PCDH15: variants seen among roughly 807,000 people sequenced by gnomAD.
The protein encoded by PCDH15 is protocadherin related 15.
A neutral mutation model predicts 178.5 loss-of-function variants in PCDH15; 129 were observed. That is an observed-to-expected ratio of 0.72 (90% CI 0.63 to 0.84). The LOEUF (loss-of-function observed/expected upper bound fraction) is 0.84, where lower values mean the gene tolerates loss of function less well. PCDH15 is among the 40% of genes least tolerant of loss of function. The pLI is 0.00. For missense variants in PCDH15, 2,230 were observed against 2,099.9 expected (o/e 1.06, Z -1.21); for synonymous variants, 800 against 732.0 (o/e 1.09, Z -1.50).
chr10:53,820,661 G>A (rs1459586113), intron 32 of PCDH15, among the ~76,000 whole-genome samples: 1 of 151,750 alleles, frequency 6.6e-6, no homozygotes, highest in Non-Finnish European at 1.5e-5. Context: ...GTGTTTCATG[G>A]GAAAAACAAA....
At chr10:55,485,083 T>C (rs558148366) in intron 2 of PCDH15, among the ~76,000 whole-genome samples, 126 of 151,728 alleles carry the variant, frequency 8.3e-4, no homozygotes, top group African/African-American at 3.0e-3. Context: ...GAAACAATCA[T>C]CAGAATGAAA....
At chr10:55,395,090 G>A (rs1374845435) in intron 2 of PCDH15, among the ~76,000 whole-genome samples, 1 of 151,370 alleles carries the variant, frequency 6.6e-6, no homozygotes, top group African/African-American at 2.4e-5. Flanking sequence ...ATTATCAAAG[G>A]GATTGCTTCA....
At chr10:54,204,169 T>A (rs755801432) in intron 10 of PCDH15, among the ~76,000 whole-genome samples, 2 of 152,128 alleles carry the variant, frequency 1.3e-5, no homozygotes, top group African/African-American at 2.4e-5. Flanking sequence ...AAAATGTTAA[T>A]AAAAGTCTCA....
In PCDH15 at chr10:53,972,502, A is replaced by C. The variant is rs1381614305; in HGVS notation, c.2869-10610T>G. On this transcript the variant is annotated intron_variant, in intron 21 of 37. Transcript: ENST00000644397. ...AAACTACCACCAGAATGAACAGGCA[A>C]CCTACAGAATGGGAGAAAATTTTTA... Among the ~76,000 whole-genome samples the C allele has an allele frequency of 3.9e-5, 6 of 152,296 alleles. No individual in the cohort carries two copies. In the East Asian group the frequency reaches 1.2e-3, roughly 29 times the overall value.
intron 2 of PCDH15, among the ~76,000 whole-genome samples, chr10:54,968,415 T>C (rs1327743666): frequency 6.7e-6 from 1 of 149,330 alleles, no homozygotes; most frequent in Non-Finnish European, 1.5e-5. Flanking sequence ...AAAGATATTT[T>C]TACAGACTAT....
In PCDH15 at chr10:54,506,601, G is replaced by A. The variant is rs11004342; in HGVS notation, c.157+21211C>T. On this transcript the variant is annotated intron_variant, in intron 3 of 37. Transcript: ENST00000644397. The stretch of plus-strand genomic sequence containing the variant: ...TTCAATGTTAAAGGTTAACACTTTT[G>A]GGTCTAATAGAATAACAAAGCAGAA... Among the ~76,000 whole-genome samples, 1,324 of 151,926 alleles carry A rather than the reference G, an allele frequency of 8.7e-3. 17 individuals carry two copies. The highest frequency in any genetic ancestry group is 0.027 in the Middle Eastern group (8 of 292).
intron 3 of PCDH15, among the ~76,000 whole-genome samples, chr10:54,514,571 AT>A (rs1209142068): frequency 6.6e-6 from 1 of 152,012 alleles, no homozygotes; most frequent in Non-Finnish European, 1.5e-5. Context: ...ACAAGTATGA[AT>A]AAAAATTATA....
intron 2 of PCDH15, among the ~76,000 whole-genome samples, chr10:54,552,791 T>C (rs2086763867): frequency 6.6e-6 from 1 of 152,146 alleles, no homozygotes; most frequent in Admixed American, 6.6e-5. Flanking sequence ...ATTACTCTGG[T>C]AAGAGTTCAT....
At chr10:54,101,145 A>G (rs894501850) in intron 15 of PCDH15, among the ~76,000 whole-genome samples, 1 of 152,064 alleles carries the variant, frequency 6.6e-6, no homozygotes, top group Non-Finnish European at 1.5e-5. Context: ...ATGAAATCTG[A>G]TGGTTTGAAA....
At chr10:55,396,185 T>G (rs1444502212) in intron 2 of PCDH15, among the ~76,000 whole-genome samples, 1 of 152,156 alleles carries the variant, frequency 6.6e-6, no homozygotes, top group African/African-American at 2.4e-5. Context: ...TTTGCATCAG[T>G]GGAATTAAAG....
intron 11 of PCDH15, among the ~76,000 whole-genome samples, chr10:54,195,009 C>G (rs1564650312): frequency 6.6e-6 from 1 of 152,140 alleles, no homozygotes; most frequent in African/African-American, 2.4e-5. Flanking sequence ...ATACCAAAGT[C>G]TTTCAGCCCT....
chr10:54,550,050 C>T (rs2086375202), intron 2 of PCDH15, among the ~76,000 whole-genome samples: 1 of 152,072 alleles, frequency 6.6e-6, no homozygotes, highest in Admixed American at 6.6e-5. Flanking sequence ...ATCCAGACCA[C>T]AAGCAATTTA....
intron 1 of PCDH15, among the ~76,000 whole-genome samples, chr10:54,735,135 A>C (rs953000974): frequency 6.6e-6 from 1 of 152,084 alleles, no homozygotes; most frequent in African/African-American, 2.4e-5. Flanking sequence ...CCTTTATAGA[A>C]ATTCTCATGT....
At chr10:55,098,895 T>TGACAGAGAGAGAGAGAGAGAGAGAGAGA (rs1842508607) in intron 2 of PCDH15, among the ~76,000 whole-genome samples, 1 of 120,198 alleles carries the variant, frequency 8.3e-6, no homozygotes, top group African/African-American at 3.4e-5. Context: ...AAAACTTCAA[T>TGACAGAGAGAGAGAGAGAGAGAGAGAGA]GAGAGAGAGA....
intron 36 of PCDH15, 79 bp downstream of exon 36, chr10:53,811,470 G>T: frequency 1.2e-6 from 1 of 869,380 alleles, no homozygotes. Context: ...ACAAATTCTA[G>T]TAATAATAAT....
At chr10:54,507,195 TCA>T (rs1312527708) in intron 3 of PCDH15, among the ~76,000 whole-genome samples, 1 of 151,936 alleles carries the variant, frequency 6.6e-6, no homozygotes, top group East Asian at 1.9e-4. Flanking sequence ...TTTAATGATC[TCA>T]CATTGTTTGG....
At chr10:54,251,193 A>G (rs1450811337) in intron 8 of PCDH15, among the ~76,000 whole-genome samples, 1 of 152,020 alleles carries the variant, frequency 6.6e-6, no homozygotes, top group Non-Finnish European at 1.5e-5. Context: ...TGCTTTCTTT[A>G]TGCTTTCTTC....
At chr10:55,450,341 G>C (rs1156804888) in intron 2 of PCDH15, among the ~76,000 whole-genome samples, 1 of 152,156 alleles carries the variant, frequency 6.6e-6, no homozygotes, top group Non-Finnish European at 1.5e-5. Flanking sequence ...GAGAGGCACT[G>C]TCACTTTGGA....
At chr10:53,862,213 G>T (rs1445569790) in intron 27 of PCDH15, among the ~76,000 whole-genome samples, 1 of 151,910 alleles carries the variant, frequency 6.6e-6, no homozygotes, top group Non-Finnish European at 1.5e-5. Context: ...CACCACACCT[G>T]GCTAATTTTG....
Sources: gnomAD v4.1 joint callset for allele counts (sites outside exome capture counted in the v4.1 genomes callset) on GRCh38, gnomAD v4.1.1 for gene constraint, MANE v1.5 for transcripts, NCBI Gene and HGNC (gene_info 2026-07-23, HGNC 2026-07-21) for gene names.